SPRY3: variants seen among roughly 807,000 people sequenced by gnomAD.
SPRY3 encodes the protein sprouty RTK signaling antagonist 3, also known as protein sprouty homolog 3.
In SPRY3, 15 loss-of-function variants were observed where a neutral mutation model predicts 20.2. The ratio of observed to expected loss-of-function variants is 0.74; its 90% CI spans 0.50 to 1.14. The LOEUF is 1.14. Ranked by LOEUF, SPRY3 falls within the 50% of genes most tolerant of loss-of-function variation. The pLI, the probability that SPRY3 is intolerant of heterozygous loss-of-function variation, is 0.00. For synonymous variants in SPRY3, 143 were observed against 136.5 expected (o/e 1.05, Z -0.33); for missense variants, 364 against 363.9 (o/e 1.00, Z 0.00).
intron 1 of SPRY3, among the ~76,000 whole-genome samples, chrX:155,647,421 T>C (rs1374503206): frequency 9.0e-6 from 1 of 111,109 alleles, no homozygotes; most frequent in Non-Finnish European, 1.9e-5. Flanking sequence ...ACATGTCATC[T>C]ACATTAGGTA....
intron 1 of SPRY3, among the ~76,000 whole-genome samples, chrX:155,630,395 T>C (rs1557350348): frequency 8.9e-6 from 1 of 112,030 alleles, no homozygotes; most frequent in Non-Finnish European, 1.9e-5. Flanking sequence ...CGTTAACATT[T>C]CTTGTATGAC....
At chrX:155,655,338 T>G (rs1454284331) in intron 1 of SPRY3, among the ~76,000 whole-genome samples, 3 of 111,743 alleles carry the variant, frequency 2.7e-5, no homozygotes, top group Non-Finnish European at 5.6e-5. Context: ...GCTGATTCTT[T>G]TGCTGTGCAG....
chrX:155,676,476 C>T (rs1274583519), intron 2 of SPRY3, among the ~76,000 whole-genome samples: 1 of 111,248 alleles, frequency 9.0e-6, no homozygotes, highest in Non-Finnish European at 1.9e-5. Context: ...GTCCCTTCCC[C>T]TCTCTGGACC....
chrX:155,650,292 G>A (rs890363504), intron 1 of SPRY3, among the ~76,000 whole-genome samples: 13 of 111,603 alleles, frequency 1.2e-4, no homozygotes, highest in Admixed American at 9.5e-4. Context: ...AATAGAGCCC[G>A]TATAGCCAAG....
chrX:155,622,062 T>C (rs1557349503), intron 1 of SPRY3, among the ~76,000 whole-genome samples: 1 of 111,728 alleles, frequency 9.0e-6, no homozygotes, highest in Non-Finnish European at 1.9e-5. Context: ...ACAGGCTTCA[T>C]GTAGAAGCAA....
intron 2 of SPRY3, among the ~76,000 whole-genome samples, chrX:155,746,437 G>A (rs781615510): frequency 2.0e-5 from 3 of 151,972 alleles, no homozygotes; most frequent in East Asian, 3.9e-4. Flanking sequence ...TGAACAAAAG[G>A]CAATACAAAG....
At chrX:155,712,170 T>A (rs1455132903) in intron 2 of SPRY3, among the ~76,000 whole-genome samples, 1 of 151,926 alleles carries the variant, frequency 6.6e-6, no homozygotes, top group Non-Finnish European at 1.5e-5. Flanking sequence ...ATCCTGCAGT[T>A]GTTGGATGAA....
At chrX:155,642,723 C>A (rs1557351544) in intron 1 of SPRY3, among the ~76,000 whole-genome samples, 1 of 111,483 alleles carries the variant, frequency 9.0e-6, no homozygotes, top group African/African-American at 3.3e-5. Flanking sequence ...TTCTTAATTT[C>A]TTCATTGACT....
chrX:155,704,240 ATTAG>A (rs2090932195), intron 2 of SPRY3, among the ~76,000 whole-genome samples: 1 of 151,890 alleles, frequency 6.6e-6, no homozygotes, highest in African/African-American at 2.4e-5. Flanking sequence ...ACTATGAGTA[ATTAG>A]TTAAATGTTC....
chrX:155,615,723 A>G (rs1221802005), intron 1 of SPRY3, among the ~76,000 whole-genome samples: 1 of 111,787 alleles, frequency 8.9e-6, no homozygotes, highest in Non-Finnish European at 1.9e-5. Flanking sequence ...AAATTTGGTA[A>G]AGCTGAAGGG....
chrX:155,726,689 C>T (rs1483618082), intron 2 of SPRY3, among the ~76,000 whole-genome samples: 1 of 152,158 alleles, frequency 6.6e-6, no homozygotes, highest in African/African-American at 2.4e-5. Context: ...CTTCCTCCAT[C>T]CCTTTACTTT....
At chrX:155,773,439 T>A (rs764711729) in intron 3 of SPRY3, among the ~76,000 whole-genome samples, 1 of 151,488 alleles carries the variant, frequency 6.6e-6, no homozygotes, top group East Asian at 2.0e-4. Flanking sequence ...CCATTTGTAT[T>A]AGAATTCTGA....
chrX:155,711,057 G>T (rs2090982802), intron 2 of SPRY3, among the ~76,000 whole-genome samples: 1 of 151,642 alleles, frequency 6.6e-6, no homozygotes, highest in South Asian at 2.1e-4. Flanking sequence ...TGTGCAACTT[G>T]GTTTGCTAGT....
chrX:155,769,417 A>G (rs1357800111), intron 3 of SPRY3, among the ~76,000 whole-genome samples: 3 of 152,128 alleles, frequency 2.0e-5, no homozygotes, highest in African/African-American at 7.2e-5. Flanking sequence ...CCCTCCTTTT[A>G]TTTTGCAGAT....
chrX:155,630,957 C>A (rs1394898904), intron 1 of SPRY3, among the ~76,000 whole-genome samples: 2 of 109,254 alleles, frequency 1.8e-5, no homozygotes, highest in Non-Finnish European at 3.8e-5. Context: ...TTTATTTCAA[C>A]TTTTATTTTA....
intron 2 of SPRY3, among the ~76,000 whole-genome samples, chrX:155,731,878 C>A (rs937098295): frequency 6.6e-6 from 1 of 151,974 alleles, no homozygotes; most frequent in Non-Finnish European, 1.5e-5. Context: ...ACAGTGCTTG[C>A]AAGTATTAAC....
chrX:155,717,140 CAG>C (rs1179724886), intron 2 of SPRY3, among the ~76,000 whole-genome samples: 6 of 146,046 alleles, frequency 4.1e-5, no homozygotes, highest in African/African-American at 1.5e-4. Context: ...GCCTGGGTGA[CAG>C]AGTGAGACTG....
chrX:155,652,455 T>A (rs2067980234), intron 1 of SPRY3, among the ~76,000 whole-genome samples: 1 of 111,284 alleles, frequency 9.0e-6, no homozygotes, highest in Non-Finnish European at 1.9e-5. Context: ...CTCCATGAAT[T>A]CAGTCGTTTT....
At chrX:155,704,221 C>T (rs1204087494) in intron 2 of SPRY3, among the ~76,000 whole-genome samples, 1 of 151,650 alleles carries the variant, frequency 6.6e-6, no homozygotes. Context: ...TGACAGGTAA[C>T]TTAAAATAAC....
Sources: allele counts gnomAD v4.1 joint callset (sites outside exome capture counted in the v4.1 genomes callset), GRCh38; gene constraint gnomAD v4.1.1; transcripts MANE v1.5; gene names NCBI Gene and HGNC (gene_info 2026-07-23, HGNC 2026-07-21).